The following RFX4 variants were observed in gnomAD, a reference collection of about 807,000 sequenced individuals.
RFX4 encodes transcription factor RFX4.
In RFX4, 10 loss-of-function variants were observed where a neutral mutation model predicts 95.0. That is an observed-to-expected ratio of 0.11 (90% CI 0.06 to 0.18). The LOEUF is 0.18. Ranked by LOEUF, RFX4 falls within the 10% of genes least tolerant of loss-of-function variation. RFX4 has a pLI of 1.00. For synonymous variants in RFX4, 321 were observed against 340.7 expected, an observed-to-expected ratio of 0.94 and a Z score of 0.64; for missense variants, 640 against 922.0, an observed-to-expected ratio of 0.69 and a Z score of 3.96.
chr12:106,687,856 T>A (rs917599970), intron 6 of RFX4, among the ~76,000 whole-genome samples: 115 of 152,304 alleles, frequency 7.6e-4, no homozygotes, highest in Middle Eastern at 6.8e-3. Flanking sequence ...TCTCATTTCA[T>A]GAGGAAAGAA....
intron 16 of RFX4, among the ~76,000 whole-genome samples, 165 bp downstream of exon 16, chr12:106,747,764 C>T (rs1236775104): frequency 6.6e-6 from 1 of 151,832 alleles, no homozygotes; most frequent in African/African-American, 2.4e-5. Context: ...CCTGTCTGTA[C>T]TAAAAATACA....
At position 106,720,150 on chromosome 12, in the gene RFX4, C is replaced by T. The variant is rs1251333233; in HGVS notation, c.1233+96C>T. 3 of 1,071,286 alleles carry T rather than the reference C, an allele frequency of 2.8e-6. No individual in the cohort carries two copies. The highest frequency in any genetic ancestry group is 4.7e-5 in the East Asian group (2 of 42,354). The allele number at this position is 1,071,286 out of a possible 1,614,324, so 66.4% of individuals were successfully genotyped here. On this transcript the variant is annotated intron_variant, in intron 12 of 17. Coordinates refer to ENST00000392842, the MANE Select transcript of RFX4 (RefSeq NM_213594.3). The surrounding 1 kb of genome is among the most constrained non-coding windows in gnomAD (Gnocchi z 4.2). ...AAGACAAAGCCCTATGGTAAGCTAT[C>T]TGAACAGGGTTTTGAGGAGAGGCCC...
intron 17 of RFX4, among the ~76,000 whole-genome samples, chr12:106,757,464 C>G (rs1421680476): frequency 6.6e-6 from 1 of 150,660 alleles, no homozygotes; most frequent in Non-Finnish European, 1.5e-5. Flanking sequence ...GGGAGGATCA[C>G]TTAAGCCTGG....
At chr12:106,656,615 CT>C (rs2040962762) in intron 4 of RFX4, among the ~76,000 whole-genome samples, 2 of 152,192 alleles carry the variant, frequency 1.3e-5, no homozygotes. Context: ...GGCCCTGCCC[CT>C]GATGGTTCCC....
rs1313231086 is a variant in RFX4, at chr12:106,645,857, G to A, written c.191+6465G>A. On this transcript the variant is annotated intron_variant, in intron 3 of 17. Coordinates refer to ENST00000392842, the MANE Select transcript of RFX4 (RefSeq NM_213594.3). Reference sequence around the variant, plus strand: ...AGGGAGGCTGAACACTTTTAGCTCTGAACACAACCAGTGTTGATAGATAAT... The same window carrying A: ...AGGGAGGCTGAACACTTTTAGCTCTAAACACAACCAGTGTTGATAGATAAT... The A allele has an allele frequency of 7.1e-6, 9 of 1,268,768 alleles. No individual in the cohort carries two copies. In the African/African-American group the frequency reaches 7.6e-5, roughly 11 times the overall value. The allele number at this position is 1,268,768 out of a possible 1,614,324, so 78.6% of individuals were successfully genotyped here. A position where few individuals can be genotyped will look rare whatever the true frequency, so the allele number is the denominator to read the frequency against.
chr12:106,655,664 G>A (rs1276588595), intron 4 of RFX4, among the ~76,000 whole-genome samples: 1 of 152,194 alleles, frequency 6.6e-6, no homozygotes, highest in Non-Finnish European at 1.5e-5. Flanking sequence ...TTACATACAG[G>A]TTGGGGACAG....
intron 4 of RFX4, among the ~76,000 whole-genome samples, chr12:106,672,000 A>G (rs2041291604): frequency 6.6e-6 from 1 of 152,184 alleles, no homozygotes; most frequent in Non-Finnish European, 1.5e-5. Flanking sequence ...ACTACCGAGT[A>G]TAAAACCACC....
At chr12:106,705,715 G>A (rs2042071508) in intron 8 of RFX4, among the ~76,000 whole-genome samples, 1 of 152,162 alleles carries the variant, frequency 6.6e-6, no homozygotes, top group Non-Finnish European at 1.5e-5. Context: ...GTAAGCTGAG[G>A]GGACAGTGGG....
chr12:106,704,731 T>C (rs1023584970), intron 8 of RFX4, among the ~76,000 whole-genome samples: 3 of 152,018 alleles, frequency 2.0e-5, no homozygotes, highest in African/African-American at 7.3e-5. Context: ...CAAACTGGGG[T>C]TTTTCACTTC....
Position 106,601,546 on chromosome 12 carries a change from T to C in RFX4, c.44-7251T>C, listed in dbSNP as rs555068842. On this transcript the variant is annotated intron_variant, in intron 1 of 17. Coordinates refer to ENST00000392842, the MANE Select transcript of RFX4 (RefSeq NM_213594.3). ...GATATAGTGTGAATAATGGCCTCTA[T>C]TAAATCCCGGTGACACTTTTTAAGT... 1.2e-4 allele frequency among the ~76,000 whole-genome samples: 18 copies of C among 152,354 alleles called. No homozygotes were observed. In the East Asian group the frequency reaches 3.5e-3, roughly 29 times the overall value.
chr12:106,632,103 T>C (rs2040427077), intron 2 of RFX4, among the ~76,000 whole-genome samples: 1 of 152,200 alleles, frequency 6.6e-6, no homozygotes, highest in East Asian at 1.9e-4. Context: ...GGAGCTGGGA[T>C]TTGAGCCTGG....
chr12:106,642,315 T>C (rs1474608102), intron 3 of RFX4, among the ~76,000 whole-genome samples: 2 of 151,506 alleles, frequency 1.3e-5, no homozygotes, highest in African/African-American at 4.8e-5. Context: ...CGTATATATA[T>C]GTCATTAAAC....
chr12:106,717,143 C>G (rs1244627424), intron 11 of RFX4, among the ~76,000 whole-genome samples: 2 of 152,096 alleles, frequency 1.3e-5, no homozygotes, highest in African/African-American at 4.8e-5. Context: ...CCTGCACACC[C>G]TAATAGCACT....
chr12:106,680,167 C>A (rs1592930318), intron 4 of RFX4, among the ~76,000 whole-genome samples: 3 of 152,184 alleles, frequency 2.0e-5, no homozygotes, highest in African/African-American at 7.2e-5. Context: ...GTATTAGATT[C>A]TCTAAACATT....
intron 4 of RFX4, among the ~76,000 whole-genome samples, chr12:106,668,468 C>T (rs4275715): frequency 0.37 from 56,971 of 151,958 alleles, 10,839 homozygotes; most frequent in African/African-American, 0.43. Flanking sequence ...GGTGCAGGCT[C>T]ATAGTCCCAG....
At chr12:106,653,766 T>A (rs905725206) in intron 3 of RFX4, among the ~76,000 whole-genome samples, 10 of 152,110 alleles carry the variant, frequency 6.6e-5, no homozygotes, top group Non-Finnish European at 1.3e-4. Context: ...TCCCAGACAA[T>A]CCCCCTCCAT....
chr12:106,759,801 T>C (rs1385485715), intron 17 of RFX4, among the ~76,000 whole-genome samples: 1 of 152,150 alleles, frequency 6.6e-6, no homozygotes, highest in Non-Finnish European at 1.5e-5. Flanking sequence ...GGTTCTGAAG[T>C]GGCTGTACTT....
intron 4 of RFX4, among the ~76,000 whole-genome samples, chr12:106,677,878 G>A (rs141455462): frequency 6.6e-6 from 1 of 152,268 alleles, no homozygotes; most frequent in African/African-American, 2.4e-5. Flanking sequence ...ACATCCTGAA[G>A]GCAGAACCAG....
intron 6 of RFX4, among the ~76,000 whole-genome samples, chr12:106,688,361 C>T (rs2041709717): frequency 6.6e-6 from 1 of 152,108 alleles, no homozygotes; most frequent in South Asian, 2.1e-4. Flanking sequence ...AGCCACCGGG[C>T]CCAGTCGAGT....
Sources: allele counts gnomAD v4.1 joint callset (sites outside exome capture counted in the v4.1 genomes callset), GRCh38; gene constraint gnomAD v4.1.1; non-coding constraint Gnocchi (gnomAD v3.1); transcripts MANE v1.5; gene names NCBI Gene and HGNC (gene_info 2026-07-23, HGNC 2026-07-21).